PTPN4: variants seen among roughly 807,000 people sequenced by gnomAD.
PTPN4 encodes protein tyrosine phosphatase non-receptor type 4, also known as tyrosine-protein phosphatase non-receptor type 4.
Under a neutral mutation model 135.5 loss-of-function variants are expected in PTPN4, and 49 were observed. That is an observed-to-expected ratio of 0.36 (90% confidence interval 0.29 to 0.46). The LOEUF is 0.46. Among genes scored for constraint, PTPN4 ranks in the 20% least tolerant of loss-of-function variants. The pLI is 1.00. For synonymous variants in PTPN4, 333 were observed against 369.9 expected (o/e 0.90, Z 1.14); for missense variants, 860 against 1,101.0 (o/e 0.78, Z 3.10).
intron 10 of PTPN4, among the ~76,000 whole-genome samples, chr2:119,906,665 T>G (rs1678494400): frequency 6.6e-6 from 1 of 152,174 alleles, no homozygotes; most frequent in Non-Finnish European, 1.5e-5. Flanking sequence ...GAAACATATC[T>G]TGACACAATC....
chr2:119,761,791 G>GT (rs1267632562), intron 1 of PTPN4, among the ~76,000 whole-genome samples: 7 of 152,226 alleles, frequency 4.6e-5, no homozygotes, highest in Admixed American at 1.3e-4. Context: ...TTGGCAAGAG[G>GT]TTTTTAAAAT....
At chr2:119,949,127 A>G (rs990153533) in intron 18 of PTPN4, among the ~76,000 whole-genome samples, 3 of 152,122 alleles carry the variant, frequency 2.0e-5, no homozygotes, top group Non-Finnish European at 4.4e-5. Flanking sequence ...GAATTCTAAG[A>G]CTGTTAAGTT....
chr2:119,900,505 G>T (rs182316172), intron 9 of PTPN4, among the ~76,000 whole-genome samples: 88 of 152,136 alleles, frequency 5.8e-4, no homozygotes, highest in African/African-American at 1.9e-3. Context: ...TTAGATTAAA[G>T]AATTTTAATA....
intron 9 of PTPN4, 147 bp from the exon 10 acceptor site, chr2:119,900,571 C>A: frequency 2.3e-6 from 1 of 436,126 alleles, no homozygotes; most frequent in Non-Finnish European, 4.1e-6. Flanking sequence ...TAATAAGTAC[C>A]ATTTGGGTTT....
chr2:119,839,551 CT>C (rs1420974068), intron 2 of PTPN4, among the ~76,000 whole-genome samples: 2 of 152,066 alleles, frequency 1.3e-5, no homozygotes, highest in Non-Finnish European at 2.9e-5. Flanking sequence ...TTTAAAAATA[CT>C]TTTTTTGGTT....
chr2:119,868,063 C>G (rs1367651859), intron 3 of PTPN4, among the ~76,000 whole-genome samples: 1 of 152,056 alleles, frequency 6.6e-6, no homozygotes, highest in Non-Finnish European at 1.5e-5. Flanking sequence ...AGTTTTTCCC[C>G]TAAATCAATG....
intron 10 of PTPN4, among the ~76,000 whole-genome samples, chr2:119,908,624 A>G (rs982323629): frequency 4.6e-5 from 7 of 152,112 alleles, no homozygotes; most frequent in African/African-American, 1.7e-4. Flanking sequence ...AGACACAACA[A>G]TATAGAAATT....
chr2:119,957,609 A>C (rs1315528968), intron 22 of PTPN4, among the ~76,000 whole-genome samples: 1 of 151,596 alleles, frequency 6.6e-6, no homozygotes, highest in Non-Finnish European at 1.5e-5. Flanking sequence ...CATTGTAAAG[A>C]GGCATTTTTT....
At chr2:119,796,227 C>T (rs1306018080) in intron 1 of PTPN4, among the ~76,000 whole-genome samples, 7 of 152,182 alleles carry the variant, frequency 4.6e-5, no homozygotes, top group African/African-American at 1.4e-4. Context: ...TTCTGGATGG[C>T]CCGCTGCTGC....
intron 14 of PTPN4, among the ~76,000 whole-genome samples, chr2:119,934,579 T>C (rs1221016923): frequency 2.0e-5 from 3 of 152,198 alleles, no homozygotes; most frequent in Non-Finnish European, 4.4e-5. Context: ...GGTAACTTTA[T>C]GGGTAGAATC....
At chr2:119,930,896 G>A (rs1678895840) in intron 13 of PTPN4, among the ~76,000 whole-genome samples, 1 of 150,748 alleles carries the variant, frequency 6.6e-6, no homozygotes, top group Non-Finnish European at 1.5e-5. Context: ...ATCCCAATGA[G>A]CTAAAAAAGC....
intron 2 of PTPN4, among the ~76,000 whole-genome samples, chr2:119,861,246 G>A (rs923498759): frequency 5.9e-5 from 9 of 152,050 alleles, no homozygotes; most frequent in African/African-American, 2.2e-4. Context: ...TACTGTGATA[G>A]TGAGAACTCA....
At chr2:119,932,364 A>G in intron 13 of PTPN4, 60 bp from the exon 14 acceptor site, 5 of 1,418,310 alleles carry the variant, frequency 3.5e-6, no homozygotes, top group Non-Finnish European at 4.7e-6. Context: ...GTAGGATTTG[A>G]TTCATGGTTT....
At chr2:119,885,947 T>A (rs1678149865) in intron 9 of PTPN4, 65 bp downstream of exon 9, 1 of 1,083,374 alleles carries the variant, frequency 9.2e-7, no homozygotes, top group African/African-American at 1.6e-5. Context: ...TAACATTTTT[T>A]AAGATTAGAT....
chr2:119,857,078 T>TA (rs1677690942), intron 2 of PTPN4, among the ~76,000 whole-genome samples: 1 of 152,060 alleles, frequency 6.6e-6, no homozygotes, highest in African/African-American at 2.4e-5. Flanking sequence ...CTTTTTTACT[T>TA]ATATTTTTAA....
intron 1 of PTPN4, among the ~76,000 whole-genome samples, chr2:119,809,413 A>G (rs984302752): frequency 6.6e-6 from 1 of 151,840 alleles, no homozygotes; most frequent in African/African-American, 2.4e-5. Context: ...AAGTTTTTTA[A>G]AAAAGGGAAG....
intron 9 of PTPN4, among the ~76,000 whole-genome samples, chr2:119,892,589 A>T (rs1678255984): frequency 6.6e-6 from 1 of 152,240 alleles, no homozygotes; most frequent in African/African-American, 2.4e-5. Flanking sequence ...AAGAGCAATG[A>T]AATAGTGTAT....
intron 2 of PTPN4, among the ~76,000 whole-genome samples, chr2:119,832,599 CT>C (rs1233445812): frequency 6.6e-6 from 1 of 152,018 alleles, no homozygotes; most frequent in Non-Finnish European, 1.5e-5. Flanking sequence ...TAAGAATCAA[CT>C]TTTTTTCTTA....
At chr2:119,822,565 G>T (rs1464608868) in intron 2 of PTPN4, among the ~76,000 whole-genome samples, 1 of 152,036 alleles carries the variant, frequency 6.6e-6, no homozygotes, top group Non-Finnish European at 1.5e-5. Context: ...CACTATGTTG[G>T]TCAGGTTGGT....
Sources: gnomAD v4.1 joint callset for allele counts (sites outside exome capture counted in the v4.1 genomes callset) on GRCh38, gnomAD v4.1.1 for gene constraint, MANE v1.5 for transcripts, NCBI Gene and HGNC (gene_info 2026-07-23, HGNC 2026-07-21) for gene names.